TYW1: variants seen among roughly 807,000 people sequenced by gnomAD.
The protein encoded by TYW1 is tRNA-yW synthesizing protein 1 homolog.
TYW1 carries 46 observed loss-of-function variants against 96.2 expected under a neutral mutation model. That is an observed-to-expected ratio of 0.48 (90% CI 0.38 to 0.61). The LOEUF (loss-of-function observed/expected upper bound fraction) is 0.61. Ranked by LOEUF, TYW1 falls within the 20% of genes least tolerant of loss-of-function variation. TYW1 has a pLI of 0.00. For missense variants in TYW1, 684 were observed against 909.6 expected, an observed-to-expected ratio of 0.75 and a Z score of 3.19; for synonymous variants, 274 against 323.0, an observed-to-expected ratio of 0.85 and a Z score of 1.63.
chr7:67,116,370 A>G (rs949906644), intron 12 of TYW1, among the ~76,000 whole-genome samples: 1 of 151,714 alleles, frequency 6.6e-6, no homozygotes, highest in Non-Finnish European at 1.5e-5. Context: ...AGTATAGTCT[A>G]GGTTTAATGT....
intron 13 of TYW1, among the ~76,000 whole-genome samples, chr7:67,167,054 A>T (rs1043455228): frequency 3.9e-5 from 6 of 152,168 alleles, no homozygotes; most frequent in African/African-American, 1.4e-4. Flanking sequence ...ACAGGAGTAA[A>T]TGTCCCTTTC....
At chr7:67,061,684 T>C (rs1795699795) in intron 9 of TYW1, among the ~76,000 whole-genome samples, 1 of 152,188 alleles carries the variant, frequency 6.6e-6, no homozygotes, top group South Asian at 2.1e-4. Flanking sequence ...TGTATCCTAC[T>C]TGAGAGCAGA....
intron 15 of TYW1, among the ~76,000 whole-genome samples, chr7:67,210,945 A>ATCTG (rs1159181477): frequency 1.3e-5 from 2 of 148,858 alleles, no homozygotes; most frequent in African/African-American, 2.5e-5. Flanking sequence ...TCCATCCATC[A>ATCTG]TCTGTCTGTC....
At chr7:67,165,212 G>T (rs985472681) in intron 13 of TYW1, among the ~76,000 whole-genome samples, 13 of 152,288 alleles carry the variant, frequency 8.5e-5, no homozygotes, top group Non-Finnish European at 1.6e-4. Flanking sequence ...TTACTAGTAA[G>T]TCAGTACCAT....
chr7:67,040,184 C>T (rs1392381230), intron 7 of TYW1, among the ~76,000 whole-genome samples: 3 of 152,090 alleles, frequency 2.0e-5, no homozygotes, highest in Non-Finnish European at 2.9e-5. Flanking sequence ...TTTTGAACTC[C>T]TGACCTCAAG....
At chr7:67,155,216 T>C (rs1049014337) in intron 13 of TYW1, among the ~76,000 whole-genome samples, 8 of 152,228 alleles carry the variant, frequency 5.3e-5, no homozygotes, top group Non-Finnish European at 8.8e-5. Flanking sequence ...CCTCCAAATC[T>C]CATGTTGAAA....
intron 9 of TYW1, among the ~76,000 whole-genome samples, chr7:67,060,369 T>C (rs1795660348): frequency 6.6e-6 from 1 of 152,232 alleles, no homozygotes; most frequent in Non-Finnish European, 1.5e-5. Flanking sequence ...CCACTGTGCC[T>C]GGCCCAGATT....
chr7:67,090,116 C>G (rs900122081), intron 11 of TYW1, among the ~76,000 whole-genome samples: 19 of 152,132 alleles, frequency 1.2e-4, no homozygotes, highest in Non-Finnish European at 8.8e-5. Flanking sequence ...TAAAAGATCT[C>G]CAACAGATGG....
At chr7:67,001,526 ATTC>A (rs1793389094) in intron 3 of TYW1, among the ~76,000 whole-genome samples, 1 of 151,320 alleles carries the variant, frequency 6.6e-6, no homozygotes, top group Admixed American at 6.6e-5. Context: ...GGTTCAAGCG[ATTC>A]TTCTGCCTCA....
At chr7:67,171,205 A>G (rs1312728832) in intron 13 of TYW1, among the ~76,000 whole-genome samples, 1 of 152,002 alleles carries the variant, frequency 6.6e-6, no homozygotes, top group Non-Finnish European at 1.5e-5. Context: ...GTATTTTCTT[A>G]TAATTCCTTT....
At chr7:67,236,442 G>C (rs6948757) in intron 15 of TYW1, among the ~76,000 whole-genome samples, 40,777 of 152,098 alleles carry the variant, frequency 0.27, 5,837 homozygotes, top group African/African-American at 0.36. Flanking sequence ...GCTGCCCAGG[G>C]AGAATCGATG....
chr7:67,141,385 A>G (rs1329932966), intron 13 of TYW1, among the ~76,000 whole-genome samples: 1 of 152,232 alleles, frequency 6.6e-6, no homozygotes, highest in Admixed American at 6.5e-5. Flanking sequence ...AACACGCAAA[A>G]TAATTTTCCA....
rs550513449 is a variant in TYW1, at chr7:67,123,922, A to G, written c.1698+6304A>G. Among the ~76,000 whole-genome samples, 77 of 152,340 alleles carry G rather than the reference A, an allele frequency of 5.1e-4. 1 individual carries two copies. The highest frequency in any genetic ancestry group is 3.3e-3 in the South Asian group (16 of 4,824). On this transcript the variant is annotated intron_variant, in intron 13 of 15. Coordinates refer to ENST00000359626, the MANE Select transcript of TYW1 (RefSeq NM_018264.4). ...GTGTTTTGTGTGGAAGCCATTGTAT[A>G]GAGGGATGAATGGGAAAGATGGAAA...
At position 67,004,860 on chromosome 7, in the gene TYW1, A is replaced by G. The variant is rs1376405344; in HGVS notation, c.274-4723A>G. On this transcript the variant is annotated intron_variant, in intron 3 of 15. Coordinates refer to ENST00000359626, the MANE Select transcript of TYW1 (RefSeq NM_018264.4). The stretch of plus-strand genomic sequence containing the variant: ...AACCTTTGCCTCCCGAGTTCAAGTG[A>G]TTCTCCTGCCTCAGCCTCCCGAGTA... Among the ~76,000 whole-genome samples, 4 of 152,044 alleles carry G rather than the reference A, an allele frequency of 2.6e-5. No individual in the cohort carries two copies. The East Asian group carries it at 7.7e-4, about 29-fold the overall frequency.
chr7:67,235,803 A>T (rs1584728398), intron 15 of TYW1, among the ~76,000 whole-genome samples: 1 of 150,774 alleles, frequency 6.6e-6, no homozygotes, highest in Non-Finnish European at 1.5e-5. Flanking sequence ...CTGAGGCAGG[A>T]GAATGGCGAG....
In TYW1 at chr7:67,160,522, GTATACATATACA is replaced by G. The variant is rs58873729; in HGVS notation, c.1699-22567_1699-22556del. ...AAGGACTTAAGGACTTAAGGTATGTGTATACATATACATATACATATACATATACATATACAT... is the reference window on the plus strand; with the variant it reads ...AAGGACTTAAGGACTTAAGGTATGTGTATACATATACATATACATATACAT... On this transcript the variant is annotated intron_variant, in intron 13 of 15. Coordinates refer to ENST00000359626, the MANE Select transcript of TYW1 (RefSeq NM_018264.4). Among the ~76,000 whole-genome samples the G allele has an allele frequency of 3.8e-3, 554 of 145,586 alleles. 3 individuals carry two copies. Among genetic ancestry groups the G allele is most frequent in the Middle Eastern group, 0.024 (7 of 288 alleles).
chr7:67,172,762 G>C (rs1799554699), intron 13 of TYW1, among the ~76,000 whole-genome samples: 1 of 147,180 alleles, frequency 6.8e-6, no homozygotes, highest in South Asian at 2.2e-4. Flanking sequence ...CAGTATTCAT[G>C]ATTTAACCAC....
chr7:67,208,188 G>A (rs1440714418), intron 15 of TYW1, among the ~76,000 whole-genome samples: 5 of 151,984 alleles, frequency 3.3e-5, no homozygotes, highest in Non-Finnish European at 5.9e-5. Context: ...ATGTGGTGGC[G>A]TGTGCCCATG....
At chr7:67,111,427 C>T (rs1797402230) in intron 12 of TYW1, among the ~76,000 whole-genome samples, 1 of 152,176 alleles carries the variant, frequency 6.6e-6, no homozygotes, top group South Asian at 2.1e-4. Context: ...TCTTGAACTC[C>T]TGACCTCAAG....
Sources: gnomAD v4.1 joint callset for allele counts (sites outside exome capture counted in the v4.1 genomes callset) on GRCh38, gnomAD v4.1.1 for gene constraint, MANE v1.5 for transcripts, NCBI Gene and HGNC (gene_info 2026-07-23, HGNC 2026-07-21) for gene names.